KLHL26: variants seen among roughly 807,000 people sequenced by gnomAD.
The protein encoded by KLHL26 is kelch-like protein 26.
KLHL26 carries 4 observed loss-of-function variants against 7.1 expected under a neutral mutation model. The ratio of observed to expected loss-of-function variants is 0.56; its 90% CI spans 0.28 to 1.28. KLHL26 has a LOEUF of 1.28. Ranked by LOEUF, KLHL26 falls within the 50% of genes most tolerant of loss-of-function variation. The pLI is 0.11. For synonymous variants in KLHL26, 465 were observed against 414.1 expected (o/e 1.12, Z -1.49); for missense variants, 896 against 924.6 (o/e 0.97, Z 0.40).
intron 1 of KLHL26, among the ~76,000 whole-genome samples, chr19:18,654,811 G>A (rs1010526498): frequency 2.0e-5 from 3 of 150,476 alleles, no homozygotes; most frequent in African/African-American, 7.4e-5. Context: ...CCATTCATCT[G>A]TCTATCTACC....
At chr19:18,647,800 A>T (rs989580250) in intron 1 of KLHL26, among the ~76,000 whole-genome samples, 10 of 152,212 alleles carry the variant, frequency 6.6e-5, no homozygotes. Flanking sequence ...GTGACTGGGC[A>T]GCATGTGTCC....
intron 1 of KLHL26, among the ~76,000 whole-genome samples, chr19:18,653,362 C>T (rs2052281270): frequency 6.9e-6 from 1 of 144,946 alleles, no homozygotes; most frequent in African/African-American, 2.6e-5. Flanking sequence ...ACCTGTCCAT[C>T]CACCCCACCA....
chr19:18,644,900 C>G (rs1355222772), intron 1 of KLHL26, among the ~76,000 whole-genome samples: 1 of 152,126 alleles, frequency 6.6e-6, no homozygotes, highest in Non-Finnish European at 1.5e-5. Flanking sequence ...AAGAAACTGT[C>G]CCCAGGAGGG....
chr19:18,637,040 G>A lies in KLHL26; in HGVS notation c.-15G>A. 1.5e-6 allele frequency: 2 copies of A among 1,328,462 alleles called. No individual in the cohort carries two copies. The highest frequency in any genetic ancestry group is 1.9e-6 in the Non-Finnish European group (2 of 1,031,238). The allele number at this position is 1,328,462 out of a possible 1,614,324, so 82.3% of individuals were successfully genotyped here. ...CGCGGCTCCCGTCACTCGAACGCGC[G>A]ACGGCGGGGGGAAGATGGCGGAGTC... On this transcript the variant is annotated 5_prime_UTR_variant, in exon 1 of 3. Transcript: ENST00000300976.
In KLHL26 at chr19:18,656,458, G is replaced by A. The variant is rs2145395088; in HGVS notation, c.84-7803G>A. 6.6e-6 allele frequency among the ~76,000 whole-genome samples: 1 copy of A among 152,152 alleles called. No homozygotes were observed. The highest frequency in any genetic ancestry group is 2.1e-4 in the South Asian group (1 of 4,822). On this transcript the variant is annotated intron_variant, in intron 1 of 2. Coordinates refer to ENST00000300976, the MANE Select transcript of KLHL26 (RefSeq NM_018316.3). The surrounding 1 kb of genome is among the most constrained non-coding windows in gnomAD (Gnocchi z 4.4). ...GGCTGTCTGGGGGTGCCAGCCCTGG[G>A]TACAGTGGCCTCCTGCTAGGCACTC...
At chr19:18,657,383 C>CCT (rs200685085) in intron 1 of KLHL26, among the ~76,000 whole-genome samples, 1 of 127,656 alleles carries the variant, frequency 7.8e-6, no homozygotes, top group Non-Finnish European at 1.7e-5. Flanking sequence ...TCTCTGTCTC[C>CCT]GTCTCTGGGT....
chr19:18,662,613 G>A (rs554788728), intron 1 of KLHL26, among the ~76,000 whole-genome samples: 21 of 152,300 alleles, frequency 1.4e-4, no homozygotes, highest in South Asian at 1.0e-3. Flanking sequence ...CTGGACACCC[G>A]TCGCAGGGTG....
At chr19:18,659,151 G>C (rs2052366332) in intron 1 of KLHL26, among the ~76,000 whole-genome samples, 1 of 151,968 alleles carries the variant, frequency 6.6e-6, no homozygotes, top group African/African-American at 2.4e-5. Flanking sequence ...GTTCTTCTCT[G>C]GGTCTCTGTC....
chr19:18,668,872 C>T lies in KLHL26; in HGVS notation c.1475C>T (p.Ala492Val), dbSNP rs754866729. 1.1e-5 allele frequency: 18 copies of T among 1,593,688 alleles called. No homozygotes were observed. Among genetic ancestry groups the T allele is most frequent in the East Asian group, 4.5e-5 (2 of 44,716 alleles). The change falls in exon 3 of 3, where the codon GCG (alanine) becomes GTG (valine). Residue 492 changes from alanine to valine, a missense_variant. Physicochemically the swap from Ala to Val is moderately conservative, Grantham distance 64 (BLOSUM62 0). Coordinates refer to ENST00000300976, the MANE Select transcript of KLHL26 (RefSeq NM_018316.3). ...GTGGCCGACCAGTGGGAGTTCAAGG[C>T]GCCCATGAGCGAACCCCGCGTGCTA... ...DPVADQWEFK[A>V]PMSEPRVLHA...
chr19:18,660,209 G>A (rs1301797099), intron 1 of KLHL26, among the ~76,000 whole-genome samples: 2 of 152,228 alleles, frequency 1.3e-5, no homozygotes, highest in African/African-American at 2.4e-5. Context: ...GCGTGTCCTT[G>A]GGTCCAGCAC....
chr19:18,660,847 C>T (rs982429516), intron 1 of KLHL26, among the ~76,000 whole-genome samples: 3 of 152,166 alleles, frequency 2.0e-5, no homozygotes, highest in African/African-American at 7.2e-5. Context: ...ATGTGGAACG[C>T]GTCAGGCATC....
Position 18,669,107 on chromosome 19 carries a change from T to G in KLHL26, c.1710T>G (p.Arg570=). ...ACATCGTCGGGGGCTACAACTGGCG[T>G]CTCAACAACGTCACGGGCATCGTAC... ...KIYIVGGYNW[R]LNNVTGIVQV... The change falls in exon 3 of 3, where the codon CGT becomes CGG. Residue 570 remains arginine, a synonymous_variant. Transcript: ENST00000300976. 2 of 1,612,826 alleles carry G rather than the reference T, an allele frequency of 1.2e-6. No individual in the cohort carries two copies. The highest frequency in any genetic ancestry group is 1.7e-6 in the Non-Finnish European group (2 of 1,179,932).
chr19:18,659,128 T>G (rs548285491), intron 1 of KLHL26, among the ~76,000 whole-genome samples: 3 of 151,714 alleles, frequency 2.0e-5, no homozygotes, highest in Non-Finnish European at 4.4e-5. Flanking sequence ...TGTTTTTCTT[T>G]CTGTGGGTCC....
intron 1 of KLHL26, among the ~76,000 whole-genome samples, chr19:18,658,214 G>A (rs79981605): frequency 0.02 from 3,052 of 152,286 alleles, 105 homozygotes; most frequent in African/African-American, 0.07. Context: ...TTGTGAGGCT[G>A]CATGTGAAGA....
chr19:18,664,413 T>C lies in KLHL26; in HGVS notation c.236T>C (p.Val79Ala), dbSNP rs1476953766. ...INREAFPAHK[V>A]VLAACSDYFR... ...AGAGAGGCCTTTCCTGCACACAAGG[T>C]CGTCCTGGCTGCCTGCAGCGACTAC... Residue 79 changes from valine to alanine, a missense_variant, in exon 2 of 3, where the codon GTC becomes GCC. Transcript: ENST00000300976. The C allele has an allele frequency of 5.6e-6, 9 of 1,596,020 alleles. No individual in the cohort carries two copies. Among genetic ancestry groups the C allele is most frequent in the Non-Finnish European group, 6.8e-6 (8 of 1,171,586 alleles).
rs776715832 is a variant in KLHL26 at position 18,667,709 on chromosome 19, C to T, written c.312C>T (p.Ile104=). The T allele has an allele frequency of 5.0e-6, 8 of 1,613,040 alleles. No individual in the cohort carries two copies. Among genetic ancestry groups the T allele is most frequent in the South Asian group, 1.1e-5 (1 of 91,050 alleles). The change falls in exon 3 of 3, where the codon ATC becomes ATT. Residue 104 remains isoleucine (I), a synonymous_variant. Transcript: ENST00000300976. ...TGCGGGAGGCAAGCCAGGACGTCAT[C>T]GAGCTGAAGGGCGTGTCGGCCCGTG... is the stretch of plus-strand genomic sequence containing the variant. The part of the protein sequence containing the change: ...GGMREASQDV[I]ELKGVSARGL...
chr19:18,645,359 C>T (rs956054523), intron 1 of KLHL26, among the ~76,000 whole-genome samples: 2 of 152,202 alleles, frequency 1.3e-5, no homozygotes, highest in Non-Finnish European at 1.5e-5. Context: ...ACCTTCTGGC[C>T]TTGCAGCCTC....
chr19:18,667,334 C>A (rs529920328), intron 2 of KLHL26: 18 of 409,724 alleles, frequency 4.4e-5, no homozygotes, highest in Admixed American at 2.2e-4. Flanking sequence ...TGTGCCTGGC[C>A]TTTGCATGTT....
chr19:18,658,746 TCTGTCTCC>T (rs938927549), intron 1 of KLHL26, among the ~76,000 whole-genome samples: 4 of 151,594 alleles, frequency 2.6e-5, no homozygotes, highest in African/African-American at 7.3e-5. Context: ...TCTCTGGGTC[TCTGTCTCC>T]CTGTCTCCCT....
Sources: allele counts gnomAD v4.1 joint callset (sites outside exome capture counted in the v4.1 genomes callset), GRCh38; gene constraint gnomAD v4.1.1; non-coding constraint Gnocchi (gnomAD v3.1); transcripts MANE v1.5; gene names NCBI Gene and HGNC (gene_info 2026-07-23, HGNC 2026-07-21).